The following CRIM1 variants were observed in gnomAD, a reference collection of about 807,000 sequenced individuals.
CRIM1 encodes cysteine-rich motor neuron 1 protein.
CRIM1 carries 32 observed loss-of-function variants against 116.4 expected under a neutral mutation model. The observed-to-expected ratio is 0.27, with a 90% CI of 0.21 to 0.37. The LOEUF (loss-of-function observed/expected upper bound fraction) is 0.37, where lower values mean the gene tolerates loss of function less well. Among genes scored for constraint, CRIM1 ranks in the 10% least tolerant of loss-of-function variants. CRIM1 has a pLI of 1.00. For synonymous variants in CRIM1, 590 were observed against 509.2 expected, an observed-to-expected ratio of 1.16 and a Z score of -2.13; for missense variants, 1,331 against 1,354.8, an observed-to-expected ratio of 0.98 and a Z score of 0.28.
intron 13 of CRIM1, among the ~76,000 whole-genome samples, chr2:36,531,536 T>C (rs1666121336): frequency 6.6e-6 from 1 of 152,158 alleles, no homozygotes; most frequent in African/African-American, 2.4e-5. Flanking sequence ...AACACAGTTC[T>C]AGATTTTCCC....
intron 2 of CRIM1, among the ~76,000 whole-genome samples, chr2:36,406,630 C>G (rs1266534099): frequency 1.4e-5 from 2 of 143,810 alleles, no homozygotes; most frequent in East Asian, 4.1e-4. Flanking sequence ...CCTCCCCCCC[C>G]CCCAAAAAAA....
chr2:36,391,472 A>G (rs1274471223), intron 1 of CRIM1, among the ~76,000 whole-genome samples: 1 of 152,090 alleles, frequency 6.6e-6, no homozygotes, highest in Admixed American at 6.5e-5. Flanking sequence ...GAAAAATCAC[A>G]TGAGAACCAG....
At chr2:36,476,813 G>T (rs940168595) in intron 5 of CRIM1, 76 bp from the exon 6 acceptor site, 16 of 1,223,572 alleles carry the variant, frequency 1.3e-5, no homozygotes, top group Non-Finnish European at 1.8e-5. Flanking sequence ...ATTTTCTAGA[G>T]GCTGTTTGAA....
rs567847109 is a variant in CRIM1, at chr2:36,465,375, AAAAAT to A, written c.991+729_991+733del. Among the ~76,000 whole-genome samples, 208 of 152,366 alleles carry A rather than the reference AAAAAT, an allele frequency of 1.4e-3. 2 individuals carry two copies. The highest frequency in any genetic ancestry group is 3.1e-3 in the Admixed American group (47 of 15,312). On this transcript the variant is annotated intron_variant, in intron 5 of 16. Coordinates refer to ENST00000280527, the MANE Select transcript of CRIM1 (RefSeq NM_016441.3). ...TTCTCTACCAGAATATTCATTAACA[AAAAAT>A]AAAATAAACAAGTTACATGTCAATA...
At chr2:36,408,176 A>T (rs541459778) in intron 2 of CRIM1, among the ~76,000 whole-genome samples, 165 of 152,340 alleles carry the variant, frequency 1.1e-3, no homozygotes, top group African/African-American at 3.8e-3. Flanking sequence ...AAACAACCTG[A>T]CAGGTTGAGC....
Position 36,421,163 on chromosome 2 carries a change from A to G in CRIM1, c.506-20095A>G, listed in dbSNP as rs186178689. On this transcript the variant is annotated intron_variant, in intron 2 of 16. Coordinates refer to ENST00000280527, the MANE Select transcript of CRIM1 (RefSeq NM_016441.3). ...ATGAGTGCTTATATTCTTAACTTGT[A>G]AGATGAATACAGAGATACTTTCCAA... is the stretch of plus-strand genomic sequence containing the variant. Among the ~76,000 whole-genome samples the G allele has an allele frequency of 1.1e-4, 17 of 152,364 alleles. No individual in the cohort carries two copies. The East Asian group carries it at 3.3e-3, about 29-fold the overall frequency.
At chr2:36,420,613 G>A (rs1673982271) in intron 2 of CRIM1, among the ~76,000 whole-genome samples, 2 of 152,204 alleles carry the variant, frequency 1.3e-5, no homozygotes, top group South Asian at 4.1e-4. Flanking sequence ...GTGCATGCCA[G>A]TGCCTAACTC....
chr2:36,383,505 G>A (rs1266222717), intron 1 of CRIM1, among the ~76,000 whole-genome samples: 1 of 152,118 alleles, frequency 6.6e-6, no homozygotes, highest in Non-Finnish European at 1.5e-5. Flanking sequence ...ATGCAGTATT[G>A]TTAGTAGAGT....
intron 15 of CRIM1, among the ~76,000 whole-genome samples, chr2:36,544,786 G>A (rs1667199631): frequency 6.6e-6 from 1 of 152,130 alleles, no homozygotes; most frequent in African/African-American, 2.4e-5. Context: ...ATAAGAGCCT[G>A]GTATCTGGAA....
At chr2:36,526,689 C>G (rs1385536085) in intron 13 of CRIM1, among the ~76,000 whole-genome samples, 2 of 152,194 alleles carry the variant, frequency 1.3e-5, no homozygotes, top group African/African-American at 4.8e-5. Context: ...GAGTGCCAGA[C>G]TCTGGCAGCT....
At chr2:36,376,293 A>C (rs949366335) in intron 1 of CRIM1, among the ~76,000 whole-genome samples, 2 of 152,252 alleles carry the variant, frequency 1.3e-5, no homozygotes, top group African/African-American at 4.8e-5. Flanking sequence ...AAATGTTTAA[A>C]TTCATTTACA....
At position 36,516,063 on chromosome 2, in the gene CRIM1, G is replaced by A. The variant is rs533889664; in HGVS notation, c.1991-1264G>A. ...ATGAGTATCAGTTTTCTGTGATACT[G>A]TCCCTGGGTCTAAGTTCCAGCCTTT... On this transcript the variant is annotated intron_variant, in intron 11 of 16. Transcript: ENST00000280527. Among the ~76,000 whole-genome samples the A allele has an allele frequency of 5.9e-5, 9 of 152,302 alleles. 1 individual carries two copies. Among genetic ancestry groups the A allele is most frequent in the African/African-American group, 1.9e-4 (8 of 41,562 alleles).
chr2:36,513,775 G>C lies in CRIM1; in HGVS notation c.1990+10G>C, dbSNP rs766060809. 3 of 1,612,410 alleles carry C rather than the reference G, an allele frequency of 1.9e-6. No individual in the cohort carries two copies. Among genetic ancestry groups the C allele is most frequent in the Non-Finnish European group, 2.5e-6 (3 of 1,178,938 alleles). ...TGCCCATCATGTGCAGGTAAAAGCT[G>C]GCTGCCATCTGTGTGCTCCATAAGC... On this transcript the variant is annotated intron_variant, in intron 11 of 16. Transcript: ENST00000280527.
At position 36,537,559 on chromosome 2, in the gene CRIM1, C is replaced by T. The variant is rs780147382; in HGVS notation, c.2623+13C>T. ...CCAATGTGTCCAGGTATCTAAGCCA[C>T]CATCCTTCCATTTGTCAAGCTGTAA... On this transcript the variant is annotated intron_variant, in intron 14 of 16. Coordinates refer to ENST00000280527, the MANE Select transcript of CRIM1 (RefSeq NM_016441.3). 1 of 1,582,654 alleles carries T rather than the reference C, an allele frequency of 6.3e-7. No individual in the cohort carries two copies. The highest frequency in any genetic ancestry group is 1.2e-5 in the South Asian group (1 of 86,128).
At chr2:36,483,974 G>A (rs527529299) in intron 7 of CRIM1, among the ~76,000 whole-genome samples, 1 of 152,310 alleles carries the variant, frequency 6.6e-6, no homozygotes, top group South Asian at 2.1e-4. Context: ...GAGTGTTATG[G>A]AAGTGTGTGA....
intron 2 of CRIM1, among the ~76,000 whole-genome samples, chr2:36,425,003 G>A (rs1190405995): frequency 6.6e-6 from 1 of 152,122 alleles, no homozygotes; most frequent in Non-Finnish European, 1.5e-5. Context: ...AAGAGGACAC[G>A]GAAGCCCATT....
At chr2:36,531,849 T>A (rs1405020946) in intron 13 of CRIM1, 1 of 467,202 alleles carries the variant, frequency 2.1e-6, no homozygotes, top group Non-Finnish European at 4.4e-6. Flanking sequence ...TGATGCAAGA[T>A]AATATTGCTC....
chr2:36,485,921 T>C (rs1309692837), intron 7 of CRIM1, among the ~76,000 whole-genome samples: 2 of 152,250 alleles, frequency 1.3e-5, no homozygotes, highest in Non-Finnish European at 2.9e-5. Flanking sequence ...AAATGGAAAT[T>C]AAAATATAAC....
In CRIM1 at chr2:36,499,245, C is replaced by T; in HGVS notation, c.1399C>T (p.Pro467Ser). The part of the protein sequence containing the change: ...EEPTIITVDP[P>S]ACGELSNCTL... ...ACCAACCATCATCACAGTTGATCCA[C>T]CTGCATGTGGGGAGTTATCAAACTG... is the stretch of plus-strand genomic sequence containing the variant. Residue 467 changes from proline to serine, a missense_variant, in exon 8 of 17, where the codon CCT becomes TCT. Physicochemically the swap from Pro to Ser is moderately conservative, Grantham distance 74. Transcript: ENST00000280527. 3 of 1,612,130 alleles carry T rather than the reference C, an allele frequency of 1.9e-6. No individual in the cohort carries two copies. Among genetic ancestry groups the T allele is most frequent in the Non-Finnish European group, 2.5e-6 (3 of 1,178,242 alleles).
Sources: allele counts gnomAD v4.1 joint callset (sites outside exome capture counted in the v4.1 genomes callset), GRCh38; gene constraint gnomAD v4.1.1; transcripts MANE v1.5; gene names NCBI Gene and HGNC (gene_info 2026-07-23, HGNC 2026-07-21).